ASPRV1: variants seen among roughly 807,000 people sequenced by gnomAD.
ASPRV1 encodes the protein retroviral-like aspartic protease 1.
In ASPRV1, 7 loss-of-function variants were observed where a neutral mutation model predicts 11.0. The observed-to-expected ratio is 0.64, with a 90% CI of 0.36 to 1.20. ASPRV1 has a LOEUF of 1.20. Ranked by LOEUF, ASPRV1 falls within the 50% of genes most tolerant of loss-of-function variation. The pLI is 0.02. For missense variants in ASPRV1, 299 were observed against 320.0 expected (o/e 0.93, Z 0.50); for synonymous variants, 136 against 138.4 (o/e 0.98, Z 0.12).
the ASPRV1 span, among the ~76,000 whole-genome samples, chr2:69,971,976 A>C: frequency 6.6e-6 from 1 of 152,120 alleles, no homozygotes; most frequent in South Asian, 2.1e-4. Context: ...AATCCGTACC[A>C]TGGGGCTTAG....
the ASPRV1 span, chr2:70,081,159 A>T: frequency 7.9e-5 from 12 of 152,222 alleles, no homozygotes; most frequent in African/African-American, 2.2e-4. Context: ...TATGAGGTCA[A>T]ATTGTTACTA....
the ASPRV1 span, chr2:70,014,465 C>T: frequency 2.0e-5 from 3 of 152,056 alleles, no homozygotes; most frequent in East Asian, 1.9e-4. Flanking sequence ...TATGGGACTA[C>T]ATCAAACTTA....
the ASPRV1 span, among the ~76,000 whole-genome samples, chr2:70,023,366 T>C: frequency 1.3e-5 from 2 of 152,156 alleles, no homozygotes; most frequent in Non-Finnish European, 2.9e-5. Context: ...GCCTTGCTGA[T>C]TACTAGTAAA....
chr2:70,071,250 C>A, the ASPRV1 span, among the ~76,000 whole-genome samples: 1 of 152,254 alleles, frequency 6.6e-6, no homozygotes, highest in Admixed American at 6.5e-5. Flanking sequence ...CTAAGTGAAG[C>A]ACAGATTTGT....
chr2:69,987,359 C>G, the ASPRV1 span, among the ~76,000 whole-genome samples: 47 of 152,186 alleles, frequency 3.1e-4, no homozygotes, highest in Middle Eastern at 3.4e-3. Flanking sequence ...AGGAAACCCA[C>G]GGTGGGCTAT....
the ASPRV1 span, among the ~76,000 whole-genome samples, chr2:69,943,135 A>G: frequency 6.6e-6 from 1 of 152,280 alleles, no homozygotes; most frequent in South Asian, 2.1e-4. Context: ...GTTGATCAGA[A>G]TTAGCCACAG....
the ASPRV1 span, among the ~76,000 whole-genome samples, chr2:70,067,160 G>T: frequency 6.6e-6 from 1 of 152,192 alleles, no homozygotes; most frequent in Non-Finnish European, 1.5e-5. Context: ...GAGGGAAAAT[G>T]ATTAGATTCA....
chr2:70,078,855 T>C, the ASPRV1 span, among the ~76,000 whole-genome samples: 1 of 152,190 alleles, frequency 6.6e-6, no homozygotes, highest in African/African-American at 2.4e-5. Context: ...TGGTCACTGT[T>C]AAAATTAGAT....
chr2:70,069,592 T>C, the ASPRV1 span, among the ~76,000 whole-genome samples: 5 of 152,338 alleles, frequency 3.3e-5, no homozygotes, highest in African/African-American at 4.8e-5. Flanking sequence ...ACCAGGGAAC[T>C]TGCGAATTCT....
chr2:69,950,645 C>T, the ASPRV1 span, among the ~76,000 whole-genome samples: 1 of 151,822 alleles, frequency 6.6e-6, no homozygotes, highest in African/African-American at 2.4e-5. Flanking sequence ...GGTTCCAGAC[C>T]AGCCTGGCCA....
chr2:69,972,663 C>CCTGGA, the ASPRV1 span, among the ~76,000 whole-genome samples: 1 of 152,126 alleles, frequency 6.6e-6, no homozygotes, highest in African/African-American at 2.4e-5. Flanking sequence ...GGCCTGCCGT[C>CCTGGA]CTCTCGGTTT....
the ASPRV1 span, chr2:69,970,946 C>T: frequency 1.3e-5 from 2 of 152,236 alleles, no homozygotes; most frequent in African/African-American, 4.8e-5. Flanking sequence ...GCGGGCAGAT[C>T]ACCTGAGGTC....
At chr2:70,085,310 C>T in the ASPRV1 span, among the ~76,000 whole-genome samples, 3 of 152,162 alleles carry the variant, frequency 2.0e-5, no homozygotes, top group African/African-American at 7.2e-5. Flanking sequence ...GGCTGAATCA[C>T]TTCCCCCTCC....
the ASPRV1 span, among the ~76,000 whole-genome samples, chr2:70,077,995 C>T: frequency 1.1e-4 from 16 of 151,682 alleles, no homozygotes; most frequent in South Asian, 4.2e-4. Flanking sequence ...GATGAAACCT[C>T]GTCTCTACTA....
the ASPRV1 span, chr2:70,086,425 C>T: frequency 7.2e-4 from 109 of 152,396 alleles, no homozygotes; most frequent in African/African-American, 2.4e-3. Context: ...AGGCAGAAAT[C>T]ACAACTCATA....
chr2:70,071,466 GCA>G, the ASPRV1 span, among the ~76,000 whole-genome samples: 1 of 152,192 alleles, frequency 6.6e-6, no homozygotes, highest in African/African-American at 2.4e-5. Flanking sequence ...ATTAGGCCGG[GCA>G]CAGTGCCTCA....
the ASPRV1 span, among the ~76,000 whole-genome samples, chr2:69,951,687 A>G: frequency 2.0e-5 from 3 of 151,924 alleles, no homozygotes; most frequent in African/African-American, 7.3e-5. Flanking sequence ...AAAAAATACT[A>G]AAGGAATTTG....
chr2:69,956,340 T>C (rs78800058), downstream of ASPRV1, among the ~76,000 whole-genome samples: 496 of 151,706 alleles, frequency 3.3e-3, 2 homozygotes, highest in African/African-American at 0.012. Flanking sequence ...CCCAGCTACT[T>C]TGGAGGCTGA....
At chr2:70,060,340 CAAAAAA>C in the ASPRV1 span, among the ~76,000 whole-genome samples, 6 of 52,732 alleles carry the variant, frequency 1.1e-4, no homozygotes, top group Admixed American at 9.0e-4. Context: ...GACTCCATCT[CAAAAAA>C]AAAAAAAAAA....
Sources: allele counts gnomAD v4.1 joint callset (sites outside exome capture counted in the v4.1 genomes callset), GRCh38; gene constraint gnomAD v4.1.1; transcripts MANE v1.5; gene names NCBI Gene and HGNC (gene_info 2026-07-23, HGNC 2026-07-21).